Variants in RBL1 observed in about 807,000 individuals in gnomAD.
RBL1 encodes the protein retinoblastoma-like protein 1.
RBL1 carries 82 observed loss-of-function variants against 123.0 expected under a neutral mutation model. The observed-to-expected ratio is 0.67, with a 90% CI of 0.56 to 0.80. The LOEUF is 0.80. RBL1 is among the 30% of genes least tolerant of loss of function. The pLI is 0.00. For missense variants in RBL1, 1,171 were observed against 1,299.6 expected, an observed-to-expected ratio of 0.90 and a Z score of 1.52; for synonymous variants, 405 against 441.3, an observed-to-expected ratio of 0.92 and a Z score of 1.03.
At chr20:36,999,860 T>G (rs1366688334) in intron 21 of RBL1, among the ~76,000 whole-genome samples, 1 of 152,138 alleles carries the variant, frequency 6.6e-6, no homozygotes, top group Non-Finnish European at 1.5e-5. Context: ...ACTTCCCAGC[T>G]GCCTGCCTTG....
chr20:37,085,175 A>G (rs1192227619), intron 2 of RBL1, among the ~76,000 whole-genome samples: 1 of 137,164 alleles, frequency 7.3e-6, no homozygotes, highest in Non-Finnish European at 1.5e-5. Flanking sequence ...CTTGTCACCC[A>G]CACTGGAATA....
rs557942121 is a variant in RBL1, at chr20:37,040,913, G to A, written c.1771-628C>T. Among the ~76,000 whole-genome samples the A allele has an allele frequency of 3.9e-5, 6 of 152,308 alleles. No individual in the cohort carries two copies. The South Asian group carries it at 6.2e-4, about 16-fold the overall frequency. On this transcript the variant is annotated intron_variant, in intron 13 of 21. Coordinates refer to ENST00000373664, the MANE Select transcript of RBL1 (RefSeq NM_002895.5). ...TTGCCCAAGGTCACACAACTAGTAA[G>A]TTATAAGAGCAACGGCTTCAATACT...
At position 37,043,179 on chromosome 20, in the gene RBL1, C is replaced by T. The variant is rs1028480088; in HGVS notation, c.1770+907G>A. Reference sequence around the variant, plus strand: ...GCGCGCGTGCACACACACACACACACACACACAATTAGCCGGGTGTGGCCA... The same window carrying T: ...GCGCGCGTGCACACACACACACACATACACACAATTAGCCGGGTGTGGCCA... On this transcript the variant is annotated intron_variant, in intron 13 of 21. Coordinates refer to ENST00000373664, the MANE Select transcript of RBL1 (RefSeq NM_002895.5). 2.8e-3 allele frequency among the ~76,000 whole-genome samples: 418 copies of T among 151,324 alleles called. 2 individuals carry two copies. Among genetic ancestry groups the T allele is most frequent in the African/African-American group, 9.5e-3 (392 of 41,160 alleles).
rs772556139 is a variant in RBL1 at position 37,068,045 on chromosome 20, T to C, written c.432A>G (p.Leu144=). 3.7e-6 allele frequency: 6 copies of C among 1,613,740 alleles called. No homozygotes were observed. The highest frequency in any genetic ancestry group is 5.1e-6 in the Non-Finnish European group (6 of 1,179,928). ...CTTCATATGGATTTTGAAATATATC[T>C]AAAAAAATTGGCTCATATTTTTTGA... ...VIFKKYEPIF[L]DIFQNPYEEP... Residue 144 remains leucine, a synonymous_variant, in exon 3 of 22, where the codon TTA becomes TTG. Coordinates refer to ENST00000373664, the MANE Select transcript of RBL1 (RefSeq NM_002895.5).
chr20:36,998,637 G>T lies in RBL1; in HGVS notation c.*122C>A. The T allele has an allele frequency of 1.2e-6, 1 of 828,918 alleles. No homozygotes were observed. The allele number at this position is 828,918 out of a possible 1,614,324, so 51.3% of individuals were successfully genotyped here. Reference sequence around the variant, plus strand: ...ATTTTAAAAAGCACATAATTTTTGTGCAATTTTTTCTTATAACCCAGTGAT... The same window carrying T: ...ATTTTAAAAAGCACATAATTTTTGTTCAATTTTTTCTTATAACCCAGTGAT... On this transcript the variant is annotated 3_prime_UTR_variant, in exon 22 of 22. Transcript: ENST00000373664.
At chr20:37,009,007 T>C (rs2064114296) in intron 19 of RBL1, among the ~76,000 whole-genome samples, 1 of 152,082 alleles carries the variant, frequency 6.6e-6, no homozygotes, top group Non-Finnish European at 1.5e-5. Context: ...TTTTTGTGTA[T>C]AGTCTCTCTT....
At chr20:37,024,299 C>T (rs1413184131) in intron 16 of RBL1, among the ~76,000 whole-genome samples, 1 of 152,112 alleles carries the variant, frequency 6.6e-6, no homozygotes, top group Non-Finnish European at 1.5e-5. Context: ...GTTTCTGGTC[C>T]AGCCATGCTC....
In RBL1 at chr20:36,997,921, C is replaced by A. The variant is rs181045011; in HGVS notation, c.*838G>T. The A allele has an allele frequency of 6.6e-6, 1 of 151,988 alleles. No individual in the cohort carries two copies. Among genetic ancestry groups the A allele is most frequent in the Non-Finnish European group, 1.5e-5 (1 of 68,028 alleles). 9.4% of individuals were successfully genotyped at this position (151,988 alleles called of 1,614,324 possible). Reference sequence around the variant, plus strand: ...ATAAAGCTCAAGGAGAGAAAAGGCACGAGAAGGGGTGAGACAACTCTGAAT... The same window carrying A: ...ATAAAGCTCAAGGAGAGAAAAGGCAAGAGAAGGGGTGAGACAACTCTGAAT... On this transcript the variant is annotated 3_prime_UTR_variant, in exon 22 of 22. Coordinates refer to ENST00000373664, the MANE Select transcript of RBL1 (RefSeq NM_002895.5).
intron 13 of RBL1, among the ~76,000 whole-genome samples, chr20:37,043,760 G>T (rs939107329): frequency 6.6e-6 from 1 of 152,078 alleles, no homozygotes; most frequent in African/African-American, 2.4e-5. Context: ...CCAGTCAAAA[G>T]GGACTACATT....
intron 2 of RBL1, among the ~76,000 whole-genome samples, chr20:37,082,374 T>C (rs769978403): frequency 6.6e-6 from 1 of 152,190 alleles, no homozygotes; most frequent in African/African-American, 2.4e-5. Flanking sequence ...GGTGGTGGTG[T>C]TGGTTGAACA....
chr20:37,058,138 AAC>A lies in RBL1; in HGVS notation c.1251-1882_1251-1881del, dbSNP rs1290347134. Among the ~76,000 whole-genome samples, 15 of 109,150 alleles carry A rather than the reference AAC, an allele frequency of 1.4e-4. 2 individuals are homozygous for A. Among genetic ancestry groups the A allele is most frequent in the South Asian group, 2.7e-4 (1 of 3,748 alleles). 71.6% of individuals were successfully genotyped at this position (109,150 alleles called of 152,430 possible). On this transcript the variant is annotated intron_variant, in intron 9 of 21. Transcript: ENST00000373664. Reference sequence around the variant, plus strand: ...TCTAAAAAAAAAAAAAACAAAACAAAACAAAAAAAAAAAAGCCTATTCCAGGG... The same window carrying A: ...TCTAAAAAAAAAAAAAACAAAACAAAAAAAAAAAAAAAGCCTATTCCAGGG...
intron 19 of RBL1, among the ~76,000 whole-genome samples, chr20:37,010,081 G>A (rs1484971400): frequency 1.3e-5 from 2 of 151,834 alleles, no homozygotes; most frequent in African/African-American, 4.8e-5. Flanking sequence ...TACTTGGCCG[G>A]GTATGGTGGC....
In RBL1 at chr20:37,007,506, CCT is replaced by C; in HGVS notation, c.2774_2775del (p.Glu925GlyfsTer4). 6.2e-7 allele frequency: 1 copy of C among 1,613,838 alleles called. No individual in the cohort carries two copies. Reference sequence around the variant, plus strand: ...TAAAATTTTATAAGATCACCTCTTTCCTCTTTCACTGGTCCACTGGAACAGTC... The same window carrying C: ...TAAAATTTTATAAGATCACCTCTTTCCTTTCACTGGTCCACTGGAACAGTC... Reference protein sequence around the residue: ...TPDCSSGPVKEERGDLIKFYN... With the variant: ...TPDCSSGPVKXERGDLIKFYN... On this transcript the variant is annotated frameshift_variant, in exon 20 of 22. Coordinates refer to ENST00000373664, the MANE Select transcript of RBL1 (RefSeq NM_002895.5). LOFTEE classifies it high-confidence loss of function.
intron 6 of RBL1, 113 bp downstream of exon 6, chr20:37,066,610 TG>T: frequency 1.1e-6 from 1 of 944,636 alleles, no homozygotes; most frequent in Non-Finnish European, 1.6e-6. Context: ...GGCTAAAGCC[TG>T]GGAATCCTGA....
intron 21 of RBL1, among the ~76,000 whole-genome samples, chr20:37,002,146 C>A (rs1336884356): frequency 6.6e-6 from 1 of 151,736 alleles, no homozygotes; most frequent in African/African-American, 2.4e-5. Flanking sequence ...TATTCTCCTG[C>A]CTCAGCCTCC....
intron 2 of RBL1, 46 bp from the exon 3 acceptor site, chr20:37,068,232 T>A (rs2065215600): frequency 2.7e-6 from 4 of 1,502,610 alleles, no homozygotes; most frequent in Non-Finnish European, 3.5e-6. Flanking sequence ...AAAATTCATT[T>A]AAATAATGGA....
intron 16 of RBL1, among the ~76,000 whole-genome samples, chr20:37,025,804 G>A (rs867795835): frequency 2.0e-5 from 3 of 151,040 alleles, no homozygotes; most frequent in East Asian, 2.0e-4. Context: ...GTGCGGTGGC[G>A]TGATCTCGGC....
intron 21 of RBL1, among the ~76,000 whole-genome samples, chr20:36,999,637 A>G (rs28591263): frequency 7.5e-5 from 11 of 147,216 alleles, no homozygotes; most frequent in South Asian, 2.4e-4. Context: ...GATTGCAGGC[A>G]CGCGCCGCCA....
chr20:37,000,025 GC>G (rs1317265601), intron 21 of RBL1, among the ~76,000 whole-genome samples: 1 of 151,402 alleles, frequency 6.6e-6, no homozygotes, highest in African/African-American at 2.4e-5. Flanking sequence ...CTGCCCGGCC[GC>G]CATCCCATCT....
Sources: gnomAD v4.1 joint callset for allele counts (sites outside exome capture counted in the v4.1 genomes callset) on GRCh38, gnomAD v4.1.1 for gene constraint, MANE v1.5 for transcripts, NCBI Gene and HGNC (gene_info 2026-07-23, HGNC 2026-07-21) for gene names.